NR2F2: variants seen among roughly 807,000 people sequenced by gnomAD.
NR2F2 encodes nuclear receptor subfamily 2 group F member 2.
NR2F2 carries 2 observed loss-of-function variants against 34.8 expected under a neutral mutation model. The ratio of observed to expected loss-of-function variants is 0.06; its 90% CI spans 0.02 to 0.18. The LOEUF (loss-of-function observed/expected upper bound fraction) is 0.18. Ranked by LOEUF, NR2F2 falls within the 10% of genes least tolerant of loss-of-function variation. NR2F2 has a pLI of 1.00. For synonymous variants in NR2F2, 274 were observed against 251.8 expected, an observed-to-expected ratio of 1.09 and a Z score of -0.84; for missense variants, 300 against 580.1, an observed-to-expected ratio of 0.52 and a Z score of 4.96.
In NR2F2 at chr15:96,331,551, T is replaced by A. The variant is rs1899141870; in HGVS notation, c.-555T>A. 2 of 1,226,594 alleles carry A rather than the reference T, an allele frequency of 1.6e-6. No homozygotes were observed. The highest frequency in any genetic ancestry group is 4.3e-5 in the Admixed American group (1 of 23,352). 76.0% of individuals were successfully genotyped at this position (1,226,594 alleles called of 1,614,324 possible). A position where few individuals can be genotyped will look rare whatever the true frequency, so the allele number is the denominator to read the frequency against. On this transcript the variant is annotated 5_prime_UTR_variant, in exon 1 of 3. Transcript: ENST00000394166. ...CAGTCGCCTCTCCTCCTCCTCTACCTCCTCCTTCACCACCACCTCCTCTTC... is the reference window on the plus strand; with the variant it reads ...CAGTCGCCTCTCCTCCTCCTCTACCACCTCCTTCACCACCACCTCCTCTTC...
chr15:96,339,956 C>T lies in NR2F2; in HGVS notation c.*2334C>T, dbSNP rs927074758. 4 of 152,050 alleles carry T rather than the reference C, an allele frequency of 2.6e-5. No homozygotes were observed. The highest frequency in any genetic ancestry group is 4.4e-5 in the Non-Finnish European group (3 of 68,016). 9.4% of individuals were successfully genotyped at this position (152,050 alleles called of 1,614,324 possible). A position where few individuals can be genotyped will look rare whatever the true frequency, so the allele number is the denominator to read the frequency against. ...TCAGATCCAGTCAATACATGCAGAC[C>T]AGTAAAATCTGATTTGTGCAGAGTT... is the stretch of plus-strand genomic sequence containing the variant. On this transcript the variant is annotated 3_prime_UTR_variant, in exon 3 of 3. Transcript: ENST00000394166.
At chr15:96,330,343 G>A (rs1164867368), upstream of NR2F2, among the ~76,000 whole-genome samples, 3 of 151,872 alleles carry the variant, frequency 2.0e-5, no homozygotes, top group Non-Finnish European at 4.4e-5. Flanking sequence ...CCTCGGGTGC[G>A]GGATGTGGGG....
In NR2F2 at chr15:96,339,096, GAAAA is replaced by G. The variant is rs201325566; in HGVS notation, c.*1482_*1485del. The G allele has an allele frequency of 7.0e-6, 1 of 142,772 alleles. No homozygotes were observed. The highest frequency in any genetic ancestry group is 1.5e-5 in the Non-Finnish European group (1 of 65,016). The allele number at this position is 142,772 out of a possible 1,614,324, so 8.8% of individuals were successfully genotyped here. On this transcript the variant is annotated 3_prime_UTR_variant, in exon 3 of 3. Coordinates refer to ENST00000394166, the MANE Select transcript of NR2F2 (RefSeq NM_021005.4). Reference sequence around the variant, plus strand: ...TTTTAATTAAAAATGGATTTTCCAGGAAAAAAAAAAAGGCCCTTATATTTGTCAC... The same window carrying G: ...TTTTAATTAAAAATGGATTTTCCAGGAAAAAAAGGCCCTTATATTTGTCAC...
rs753219159 is a variant in NR2F2, at chr15:96,337,403, G to A, written c.1026G>A (p.Gln342=). Residue 342 remains glutamine, a synonymous_variant, in exon 3 of 3, where the codon CAG becomes CAA. Coordinates refer to ENST00000394166, the MANE Select transcript of NR2F2 (RefSeq NM_021005.4). The part of the protein sequence containing the change: ...AHVESLQEKS[Q]CALEEYVRSQ... ...TGGAAAGCTTGCAGGAAAAGTCTCA[G>A]TGTGCTTTGGAAGAATACGTTAGGA... 1 of 1,614,022 alleles carries A rather than the reference G, an allele frequency of 6.2e-7. No homozygotes were observed. Among genetic ancestry groups the A allele is most frequent in the South Asian group, 1.1e-5 (1 of 91,068 alleles).
rs1203664582 is a variant in NR2F2, at chr15:96,331,359, C to T, written c.-747C>T. ...CGGACCACTTTCATGCTGATTCCCC[C>T]GGACCCGGGCAGCGCTCCGGCCACT... On this transcript the variant is annotated 5_prime_UTR_variant, in exon 1 of 3. Transcript: ENST00000394166. The T allele has an allele frequency of 1.6e-6, 2 of 1,216,558 alleles. No individual in the cohort carries two copies. The highest frequency in any genetic ancestry group is 1.0e-6 in the Non-Finnish European group (1 of 978,322). 75.4% of individuals were successfully genotyped at this position (1,216,558 alleles called of 1,614,324 possible).
intron 2 of NR2F2, among the ~76,000 whole-genome samples, chr15:96,334,907 C>A (rs1219865501): frequency 1.3e-5 from 2 of 152,264 alleles, no homozygotes; most frequent in Admixed American, 1.3e-4. Flanking sequence ...CTCCTGCTCC[C>A]TTTCCTGAGC....
chr15:96,329,051 C>T (rs745855545), upstream of NR2F2, among the ~76,000 whole-genome samples: 81 of 151,676 alleles, frequency 5.3e-4, no homozygotes, highest in Non-Finnish European at 2.5e-4. Context: ...TTTTTTTCAG[C>T]TACCAAGGAT....
chr15:96,334,281 C>A lies in NR2F2; in HGVS notation c.648C>A (p.Ala216=), dbSNP rs544461724. 1.9e-6 allele frequency: 3 copies of A among 1,614,226 alleles called. No individual in the cohort carries two copies. In the South Asian group the frequency reaches 3.3e-5, roughly 18 times the overall value. Residue 216 remains alanine, a synonymous_variant, in exon 2 of 3, where the codon GCC becomes GCA. Transcript: ENST00000394166. ...IMGIENICEL[A]ARMLFSAVEW... is the part of the protein sequence containing the mutation. ...GTATCGAGAACATTTGCGAACTGGCCGCGAGGATGCTCTTCAGCGCCGTCG... is the reference window on the plus strand; with the variant it reads ...GTATCGAGAACATTTGCGAACTGGCAGCGAGGATGCTCTTCAGCGCCGTCG...
Position 96,331,659 on chromosome 15 carries a change from A to G in NR2F2, c.-447A>G, listed in dbSNP as rs1596423839. On this transcript the variant is annotated 5_prime_UTR_variant, in exon 1 of 3. Transcript: ENST00000394166. ...GCGAGAGTGAACGAGAGAGGGAGGG[A>G]GAGAGTGAGAGCGAGCGAGATCTTT... The G allele has an allele frequency of 4.4e-6, 5 of 1,126,738 alleles. No homozygotes were observed. The highest frequency in any genetic ancestry group is 6.6e-5 in the East Asian group (2 of 30,404). The allele number at this position is 1,126,738 out of a possible 1,614,324, so 69.8% of individuals were successfully genotyped here.
At chr15:96,330,100 T>C (rs1899087579), upstream of NR2F2, among the ~76,000 whole-genome samples, 1 of 152,190 alleles carries the variant, frequency 6.6e-6, no homozygotes, top group Non-Finnish European at 1.5e-5. Flanking sequence ...GCTCAGTTCG[T>C]GGCACCTTCC....
upstream of NR2F2, among the ~76,000 whole-genome samples, chr15:96,329,833 A>G (rs1445821245): frequency 6.6e-6 from 1 of 152,148 alleles, no homozygotes; most frequent in African/African-American, 2.4e-5. Context: ...TAATTGCATC[A>G]TGACAATCAG....
At chr15:96,334,658 C>T in intron 2 of NR2F2, 55 bp downstream of exon 2, 1 of 1,525,112 alleles carries the variant, frequency 6.6e-7, no homozygotes, top group Admixed American at 2.1e-5. Context: ...AGAGCTGGGG[C>T]CCAGAGAACT....
chr15:96,337,310 T>A, intron 2 of NR2F2, 38 bp from the exon 3 acceptor site: 1 of 1,529,648 alleles, frequency 6.5e-7, no homozygotes, highest in Non-Finnish European at 8.9e-7. Flanking sequence ...TTCTTCTTTT[T>A]CTTCTTCTTC....
Position 96,330,995 on chromosome 15 carries a change from C to A in NR2F2, c.-1111C>A, listed in dbSNP as rs1899120212. ...ATCTGCCCTCCTCTCTCTCTTTTAT[C>A]ATTTCTCCCCCGCCGCCGGCGAGTT... On this transcript the variant is annotated 5_prime_UTR_variant, in exon 1 of 3. Coordinates refer to ENST00000394166, the MANE Select transcript of NR2F2 (RefSeq NM_021005.4). 7 of 1,218,300 alleles carry A rather than the reference C, an allele frequency of 5.7e-6. No individual in the cohort carries two copies. The highest frequency in any genetic ancestry group is 4.1e-5 in the South Asian group (1 of 24,246). 75.5% of individuals were successfully genotyped at this position (1,218,300 alleles called of 1,614,324 possible).
At position 96,339,436 on chromosome 15, in the gene NR2F2, C is replaced by T. The variant is rs1466265546; in HGVS notation, c.*1814C>T. On this transcript the variant is annotated 3_prime_UTR_variant, in exon 3 of 3. Coordinates refer to ENST00000394166, the MANE Select transcript of NR2F2 (RefSeq NM_021005.4). ...CTTTTAATGTATATATGATAACTTGCAGTTGGTTTCCCTCTCCCCTCCCCC... is the reference window on the plus strand; with the variant it reads ...CTTTTAATGTATATATGATAACTTGTAGTTGGTTTCCCTCTCCCCTCCCCC... 1 of 152,148 alleles carries T rather than the reference C, an allele frequency of 6.6e-6. No individual in the cohort carries two copies. Among genetic ancestry groups the T allele is most frequent in the African/African-American group, 2.4e-5 (1 of 41,420 alleles). 9.4% of individuals were successfully genotyped at this position (152,148 alleles called of 1,614,324 possible).
Position 96,332,189 on chromosome 15 carries a change from C to A in NR2F2, c.84C>A (p.Pro28=), listed in dbSNP as rs1230304907. The change falls in exon 1 of 3, where the codon CCC becomes CCA. Residue 28 remains proline (P), a synonymous_variant. Transcript: ENST00000394166. ...SQGSQASQAP[P]VPGPPPGAPH... is the part of the protein sequence containing the mutation. Reference sequence around the variant, plus strand: ...GCAGCCAGGCCTCGCAGGCGCCGCCCGTGCCCGGCCCGCCGCCCGGCGCCC... The same window carrying A: ...GCAGCCAGGCCTCGCAGGCGCCGCCAGTGCCCGGCCCGCCGCCCGGCGCCC... The A allele has an allele frequency of 7.5e-7, 1 of 1,331,346 alleles. No individual in the cohort carries two copies. 82.5% of individuals were successfully genotyped at this position (1,331,346 alleles called of 1,614,324 possible). A position where few individuals can be genotyped will look rare whatever the true frequency, so the allele number is the denominator to read the frequency against.
upstream of NR2F2, among the ~76,000 whole-genome samples, chr15:96,328,461 A>G (rs1899047673): frequency 6.6e-6 from 1 of 152,222 alleles, no homozygotes; most frequent in Non-Finnish European, 1.5e-5. Flanking sequence ...TGAGATGGGA[A>G]TGCCCATTAG....
chr15:96,326,588 A>G (rs1898994342), upstream of NR2F2, among the ~76,000 whole-genome samples: 4 of 151,270 alleles, frequency 2.6e-5, no homozygotes, highest in South Asian at 2.1e-4. This position sits in a 1 kb window ranked among gnomAD's most constrained non-coding sequence, Gnocchi z 5.5. Flanking sequence ...GGGAGGGGGG[A>G]AAATACAATT....
upstream of NR2F2, chr15:96,326,271 C>T: frequency 6.3e-7 from 1 of 1,581,122 alleles, no homozygotes; most frequent in Admixed American, 1.7e-5. The surrounding 1 kb of genome is among the most constrained non-coding windows in gnomAD (Gnocchi z 5.5). Context: ...TTATTTCACC[C>T]GCCAAACTAA....
Sources: gnomAD v4.1 joint callset for allele counts (sites outside exome capture counted in the v4.1 genomes callset) on GRCh38, gnomAD v4.1.1 for gene constraint, Gnocchi (gnomAD v3.1) non-coding constraint, MANE v1.5 for transcripts, NCBI Gene and HGNC (gene_info 2026-07-23, HGNC 2026-07-21) for gene names.